MYOCD: variants seen among roughly 807,000 people sequenced by gnomAD.
MYOCD encodes myocardin.
A neutral mutation model predicts 96.1 loss-of-function variants in MYOCD; 32 were observed. That is an observed-to-expected ratio of 0.33 (90% CI 0.25 to 0.45). The LOEUF (loss-of-function observed/expected upper bound fraction) is 0.45, where lower values mean the gene tolerates loss of function less well. Among genes scored for constraint, MYOCD ranks in the 20% least tolerant of loss-of-function variants. MYOCD has a pLI of 1.00. For synonymous variants in MYOCD, 469 were observed against 469.0 expected (o/e 1.00, Z 0.00); for missense variants, 1,133 against 1,200.6 (o/e 0.94, Z 0.83).
intron 1 of MYOCD, among the ~76,000 whole-genome samples, chr17:12,697,335 G>GTATATATATATATATATATATA (rs1007347099): frequency 2.2e-5 from 2 of 92,034 alleles, no homozygotes; most frequent in African/African-American, 4.5e-5. Flanking sequence ...TGGTATAGGA[G>GTATATATATATATATATATATA]TATATATATA....
chr17:12,736,041 T>C, intron 5 of MYOCD, 120 bp from the exon 6 acceptor site: 1 of 879,926 alleles, frequency 1.1e-6, no homozygotes, highest in Non-Finnish European at 1.8e-6. Flanking sequence ...TACCTAAACT[T>C]AAAACAAACT....
intron 1 of MYOCD, among the ~76,000 whole-genome samples, chr17:12,694,658 GAAC>G (rs958082570): frequency 6.6e-6 from 1 of 152,098 alleles, no homozygotes; most frequent in African/African-American, 2.4e-5. Flanking sequence ...GGGAAGATCA[GAAC>G]AACCTTTTAG....
chr17:12,744,692 G>A (rs924082456), intron 8 of MYOCD, among the ~76,000 whole-genome samples: 4 of 152,340 alleles, frequency 2.6e-5, no homozygotes, highest in African/African-American at 9.6e-5. Flanking sequence ...AAACCTCAGA[G>A]AGTACTGAAC....
At chr17:12,742,174 C>A (rs940906809) in intron 7 of MYOCD, among the ~76,000 whole-genome samples, 1 of 152,086 alleles carries the variant, frequency 6.6e-6, no homozygotes, top group Non-Finnish European at 1.5e-5. Context: ...CAGAAACTCT[C>A]CAAGGACAGA....
At chr17:12,716,010 G>T (rs1035327231) in intron 3 of MYOCD, among the ~76,000 whole-genome samples, 2 of 152,140 alleles carry the variant, frequency 1.3e-5, no homozygotes, top group Admixed American at 6.6e-5. Context: ...AAGGCAAAAG[G>T]TTATTTTGCT....
At chr17:12,719,819 A>T (rs970500912) in intron 4 of MYOCD, among the ~76,000 whole-genome samples, 1 of 147,384 alleles carries the variant, frequency 6.8e-6, no homozygotes, top group Non-Finnish European at 1.5e-5. Flanking sequence ...GTGAGCCGAG[A>T]TCGTGCCATT....
At position 12,699,978 on chromosome 17, in the gene MYOCD, C is replaced by T. The variant is rs184550432; in HGVS notation, c.56-5150C>T. Reference sequence around the variant, plus strand: ...AGGCTGGAGTGCAATGGCACAATCTCGGCTCACTGCAACCTCTGCCTCCCA... The same window carrying T: ...AGGCTGGAGTGCAATGGCACAATCTTGGCTCACTGCAACCTCTGCCTCCCA... On this transcript the variant is annotated intron_variant, in intron 1 of 13. Transcript: ENST00000425538. 1.5e-3 allele frequency among the ~76,000 whole-genome samples: 217 copies of T among 142,926 alleles called. 1 individual carries two copies. Among genetic ancestry groups the T allele is most frequent in the Non-Finnish European group, 2.4e-3 (161 of 66,854 alleles). 93.8% of individuals were successfully genotyped at this position (142,926 alleles called of 152,430 possible).
chr17:12,698,869 A>G (rs1380171693), intron 1 of MYOCD, among the ~76,000 whole-genome samples: 2 of 148,916 alleles, frequency 1.3e-5, no homozygotes, highest in African/African-American at 5.0e-5. Context: ...CAGCCTCCCG[A>G]GTAGTTGGGA....
At position 12,739,363 on chromosome 17, in the gene MYOCD, C is replaced by T. The variant is rs759754350; in HGVS notation, c.717+35C>T. 40 of 1,502,710 alleles carry T rather than the reference C, an allele frequency of 2.7e-5. No homozygotes were observed. In the East Asian group the frequency reaches 8.6e-4, roughly 32 times the overall value. The allele number at this position is 1,502,710 out of a possible 1,614,324, so 93.1% of individuals were successfully genotyped here. On this transcript the variant is annotated intron_variant, in intron 7 of 13. Transcript: ENST00000425538. ...CATCAGCCTCCAAGCCCTGCCTGAG[C>T]GCTCGGCTCACAGAGCCGACTTGGA...
intron 6 of MYOCD, among the ~76,000 whole-genome samples, chr17:12,736,904 C>G (rs1183186154): frequency 6.6e-6 from 1 of 152,192 alleles, no homozygotes; most frequent in Non-Finnish European, 1.5e-5. Context: ...ATCTACAAAC[C>G]CTTGAGCATG....
rs868521403 is a variant in MYOCD, at chr17:12,758,208, A to G, written c.2326A>G (p.Lys776Glu). The change falls in exon 12 of 14, where the codon AAG becomes GAG. Residue 776 changes from lysine (K) to glutamate (E), a missense_variant. Physicochemically the swap from Lys to Glu is moderately conservative, Grantham distance 56. Coordinates refer to ENST00000425538, the MANE Select transcript of MYOCD (RefSeq NM_001146312.3). ...TQPPSYEDAV[K>E]QQMTRSQQMD... Reference sequence around the variant, plus strand: ...GCCTCCATCCTATGAAGATGCCGTAAAGCAGGTAACCATGTGATTTGTTCT... The same window carrying G: ...GCCTCCATCCTATGAAGATGCCGTAGAGCAGGTAACCATGTGATTTGTTCT... 6.2e-7 allele frequency: 1 copy of G among 1,614,138 alleles called. No individual in the cohort carries two copies. Among genetic ancestry groups the G allele is most frequent in the African/African-American group, 1.3e-5 (1 of 75,050 alleles).
intron 4 of MYOCD, among the ~76,000 whole-genome samples, chr17:12,721,765 A>G (rs2031847424): frequency 6.6e-6 from 1 of 152,242 alleles, no homozygotes; most frequent in Admixed American, 6.5e-5. Context: ...GTTGGTACAC[A>G]GGATGAGTCA....
chr17:12,737,125 C>T (rs905466623), intron 6 of MYOCD, among the ~76,000 whole-genome samples: 6 of 151,908 alleles, frequency 3.9e-5, no homozygotes, highest in Non-Finnish European at 5.9e-5. Context: ...CATGGTGGTG[C>T]GCGCCTGTAA....
rs2031885986 is a variant in MYOCD at position 12,722,900 on chromosome 17, C to T, written c.307C>T (p.Arg103Ter). 1 of 1,613,870 alleles carries T rather than the reference C, an allele frequency of 6.2e-7. No individual in the cohort carries two copies. The highest frequency in any genetic ancestry group is 8.5e-7 in the Non-Finnish European group (1 of 1,179,872). The change falls in exon 5 of 14, where the codon CGA (arginine) becomes TGA (stop). Residue 103 changes from arginine to a stop codon, truncating the protein, a stop_gained. Transcript: ENST00000425538. LOFTEE classifies it high-confidence loss of function. Reference protein sequence around the residue: ...PTAQMKLKRARLADDLNEKIA... With the variant: ...PTAQMKLKRA The stretch of plus-strand genomic sequence containing the variant: ...TGCTCAGATGAAGCTGAAAAGAGCC[C>T]GACTCGCCGATGATCTCAATGAAAA...
Position 12,765,926 on chromosome 17 carries a change from A to G in MYOCD, c.*2282A>G, listed in dbSNP as rs1055018324. On this transcript the variant is annotated 3_prime_UTR_variant, in exon 14 of 14. Transcript: ENST00000425538. ...CCTTTTATCTGTATTGTGCTTTAAA[A>G]GATCCACATGGTAAATTTTTTATTT... 1.3e-5 allele frequency: 2 copies of G among 152,246 alleles called. No individual in the cohort carries two copies. The highest frequency in any genetic ancestry group is 2.9e-5 in the Non-Finnish European group (2 of 68,042). 9.4% of individuals were successfully genotyped at this position (152,246 alleles called of 1,614,324 possible).
At position 12,763,312 on chromosome 17, in the gene MYOCD, G is replaced by A; in HGVS notation, c.2629G>A (p.Gly877Arg). The change falls in exon 14 of 14, where the codon GGG becomes AGG. Residue 877 changes from glycine (G) to arginine (R), a missense_variant. Coordinates refer to ENST00000425538, the MANE Select transcript of MYOCD (RefSeq NM_001146312.3). ...GAGTGATGTCACCCTTCTAAAAATT[G>A]GGAGCGAAGAGCCTCACTTTGATGG... ...KMSDVTLLKI[G>R]SEEPHFDGIM... 1 of 1,609,232 alleles carries A rather than the reference G, an allele frequency of 6.2e-7. No homozygotes were observed. The highest frequency in any genetic ancestry group is 8.5e-7 in the Non-Finnish European group (1 of 1,178,026).
intron 2 of MYOCD, among the ~76,000 whole-genome samples, chr17:12,707,335 C>G (rs2031325427): frequency 6.6e-6 from 1 of 152,072 alleles, no homozygotes; most frequent in Admixed American, 6.5e-5. Flanking sequence ...CCATGCCAGG[C>G]ACTTTAGGGA....
At chr17:12,707,168 T>G (rs1310484117) in intron 2 of MYOCD, among the ~76,000 whole-genome samples, 1 of 152,216 alleles carries the variant, frequency 6.6e-6, no homozygotes, top group Non-Finnish European at 1.5e-5. Context: ...GCAATCTACA[T>G]GCATTTCAGC....
Position 12,753,292 on chromosome 17 carries a change from G to A in MYOCD, c.2004G>A (p.Gln668=), listed in dbSNP as rs757958327. 3.7e-6 allele frequency: 6 copies of A among 1,612,860 alleles called. No individual in the cohort carries two copies. The highest frequency in any genetic ancestry group is 5.1e-6 in the Non-Finnish European group (6 of 1,179,382). Reference sequence around the variant, plus strand: ...TTCTGCCCTCATCCTCCGGGGCCCAGGGAGAAGGGCACAGGGTCTCCTCGC... The same window carrying A: ...TTCTGCCCTCATCCTCCGGGGCCCAAGGAGAAGGGCACAGGGTCTCCTCGC... ...PHFLPSSSGA[Q]GEGHRVSSPI... The change falls in exon 10 of 14, where the codon CAG becomes CAA. Residue 668 remains glutamine, a synonymous_variant. Transcript: ENST00000425538.
Sources: gnomAD v4.1 joint callset for allele counts (sites outside exome capture counted in the v4.1 genomes callset) on GRCh38, gnomAD v4.1.1 for gene constraint, MANE v1.5 for transcripts, NCBI Gene and HGNC (gene_info 2026-07-23, HGNC 2026-07-21) for gene names.